Variants in TNFRSF10A observed in about 807,000 individuals in gnomAD.
The protein encoded by TNFRSF10A is tumor necrosis factor receptor superfamily member 10A.
A neutral mutation model predicts 42.8 loss-of-function variants in TNFRSF10A; 44 were observed. That is an observed-to-expected ratio of 1.03 (90% confidence interval 0.81 to 1.32). The LOEUF (loss-of-function observed/expected upper bound fraction) is 1.32. TNFRSF10A is among the 40% of genes most tolerant of loss of function. TNFRSF10A has a pLI of 0.00. For synonymous variants in TNFRSF10A, 259 were observed against 234.2 expected (o/e 1.11, Z -0.97); for missense variants, 680 against 602.0 (o/e 1.13, Z -1.36).
At position 23,190,762 on chromosome 8, in the gene TNFRSF10A, A is replaced by C. The variant is rs1227539708; in HGVS notation, c.*932T>G. 1 of 152,208 alleles carries C rather than the reference A, an allele frequency of 6.6e-6. No homozygotes were observed. Among genetic ancestry groups the C allele is most frequent in the Non-Finnish European group, 1.5e-5 (1 of 68,044 alleles). The allele number at this position is 152,208 out of a possible 1,614,324, so 9.4% of individuals were successfully genotyped here. On this transcript the variant is annotated 3_prime_UTR_variant, in exon 10 of 10. Coordinates refer to ENST00000221132, the MANE Select transcript of TNFRSF10A (RefSeq NM_003844.4). The stretch of plus-strand genomic sequence containing the variant: ...GATAATGGAGGTTGAGAAGTTCCAC[A>C]ACAGGCCATCTGCACAGCAGAGACC...
At chr8:23,204,688 A>T (rs2128848871) in intron 2 of TNFRSF10A, among the ~76,000 whole-genome samples, 1 of 152,318 alleles carries the variant, frequency 6.6e-6, no homozygotes, top group South Asian at 2.1e-4. Context: ...AAAAGGATAG[A>T]GATAATACAA....
intron 8 of TNFRSF10A, among the ~76,000 whole-genome samples, chr8:23,199,030 C>T (rs1800868037): frequency 6.6e-6 from 1 of 152,226 alleles, no homozygotes; most frequent in African/African-American, 2.4e-5. Context: ...GTGACCCCCA[C>T]TCTATTCCTC....
intron 1 of TNFRSF10A, among the ~76,000 whole-genome samples, chr8:23,214,194 AT>A (rs1289534587): frequency 1.3e-5 from 2 of 149,020 alleles, no homozygotes; most frequent in Non-Finnish European, 3.0e-5. Context: ...TTGTTTTAAA[AT>A]GTGTTGTTTA....
At chr8:23,215,426 T>G (rs1801163291) in intron 1 of TNFRSF10A, among the ~76,000 whole-genome samples, 1 of 152,072 alleles carries the variant, frequency 6.6e-6, no homozygotes, top group Non-Finnish European at 1.5e-5. Context: ...GAGAATCACT[T>G]GAACCCAGGA....
At chr8:23,215,210 T>A (rs1801160311) in intron 1 of TNFRSF10A, among the ~76,000 whole-genome samples, 1 of 152,098 alleles carries the variant, frequency 6.6e-6, no homozygotes, top group African/African-American at 2.4e-5. Context: ...ATTAGAAAGT[T>A]AAATTAGAAA....
chr8:23,201,732 G>T, intron 4 of TNFRSF10A, 76 bp downstream of exon 4: 1 of 1,317,858 alleles, frequency 7.6e-7, no homozygotes, highest in Non-Finnish European at 1.1e-6. Context: ...GGTACAAGGA[G>T]ACTCGGGTCT....
chr8:23,199,900 TG>T lies in TNFRSF10A; in HGVS notation c.816del (p.Lys273SerfsTer28). ...AATCAACTCACCCTGTCCATGCACT[TG>T]GGGTCCCCTCCACAACCTAGAAGAG... is the stretch of plus-strand genomic sequence containing the variant. ...CCIGSGCGGDPKCMDRVCFWR... is the reference protein window; with the variant it reads ...CCIGSGCGGDXKCMDRVCFWR... On this transcript the variant is annotated frameshift_variant, in exon 7 of 10. Coordinates refer to ENST00000221132, the MANE Select transcript of TNFRSF10A (RefSeq NM_003844.4). LOFTEE classifies it high-confidence loss of function. The T allele has an allele frequency of 6.2e-7, 1 of 1,613,970 alleles. No individual in the cohort carries two copies. Among genetic ancestry groups the T allele is most frequent in the Non-Finnish European group, 8.5e-7 (1 of 1,179,940 alleles).
chr8:23,200,672 C>T lies in TNFRSF10A; in HGVS notation c.703+15G>A, dbSNP rs754542145. 6.8e-5 allele frequency: 110 copies of T among 1,613,908 alleles called. No homozygotes were observed. The highest frequency in any genetic ancestry group is 8.9e-5 in the East Asian group (4 of 44,888). ...GTCTCCTCTGCAGCTGGGGCTTCCC[C>T]AGTGGGCTTTGTACCTGATTCTTTG... On this transcript the variant is annotated intron_variant, in intron 5 of 9. Coordinates refer to ENST00000221132, the MANE Select transcript of TNFRSF10A (RefSeq NM_003844.4).
At chr8:23,222,879 C>G (rs1801276102) in intron 1 of TNFRSF10A, among the ~76,000 whole-genome samples, 1 of 152,002 alleles carries the variant, frequency 6.6e-6, no homozygotes, top group Non-Finnish European at 1.5e-5. Context: ...TCATCCCCCT[C>G]CTCCTGCCAT....
Position 23,224,863 on chromosome 8 carries a change from G to T in TNFRSF10A, c.199C>A (p.Arg67=). 6.4e-7 allele frequency: 1 copy of T among 1,572,150 alleles called. No homozygotes were observed. Residue 67 remains arginine, a synonymous_variant, in exon 1 of 10, where the codon CGG becomes AGG. Coordinates refer to ENST00000221132, the MANE Select transcript of TNFRSF10A (RefSeq NM_003844.4). ...TSMGQHGPSA[R]ARAGRAPGPR... is the part of the protein sequence containing the mutation. ...CCTGGGGCGCGCCCTGCCCGGGCCC[G>T]GGCACTGGGTCCGTGCTGTCCCATG...
chr8:23,222,384 A>G (rs1309962240), intron 1 of TNFRSF10A, among the ~76,000 whole-genome samples: 2 of 152,236 alleles, frequency 1.3e-5, no homozygotes, highest in Non-Finnish European at 2.9e-5. Flanking sequence ...TGGAATTAGA[A>G]AAAACAAAAG....
intron 1 of TNFRSF10A, among the ~76,000 whole-genome samples, chr8:23,217,520 T>G (rs1173451495): frequency 6.6e-6 from 1 of 151,984 alleles, no homozygotes; most frequent in Non-Finnish European, 1.5e-5. Context: ...CCGGCCTGAA[T>G]TCACTTCTAA....
At chr8:23,201,784 G>A in intron 4 of TNFRSF10A, 24 bp downstream of exon 4, 2 of 1,606,690 alleles carry the variant, frequency 1.2e-6, no homozygotes, top group Non-Finnish European at 1.7e-6. Flanking sequence ...GAGGCTGCTG[G>A]GAGCCCCTTG....
chr8:23,191,775 C>T lies in TNFRSF10A; in HGVS notation c.1326G>A (p.Glu442=). Reference sequence around the variant, plus strand: ...AGTCCACCAAGAGGTCCTGAATCTTCTCTCTTGCATGTCTCTCTTCCATCC... The same window carrying T: ...AGTCCACCAAGAGGTCCTGAATCTTTTCTCTTGCATGTCTCTCTTCCATCC... The part of the protein sequence containing the change: ...LERMEERHAR[E]KIQDLLVDSG... Residue 442 remains glutamate, a synonymous_variant, in exon 10 of 10, where the codon GAG becomes GAA. Coordinates refer to ENST00000221132, the MANE Select transcript of TNFRSF10A (RefSeq NM_003844.4). The T allele has an allele frequency of 1.2e-6, 2 of 1,614,184 alleles. No homozygotes were observed. Among genetic ancestry groups the T allele is most frequent in the Non-Finnish European group, 1.7e-6 (2 of 1,180,036 alleles).
chr8:23,205,707 G>GTT (rs1266155612), intron 2 of TNFRSF10A, among the ~76,000 whole-genome samples: 1 of 102,762 alleles, frequency 9.7e-6, no homozygotes, highest in Admixed American at 1.3e-4. Flanking sequence ...TAATGTCTGT[G>GTT]TTTCTTTTTT....
At position 23,192,113 on chromosome 8, in the gene TNFRSF10A, G is replaced by A. The variant is rs540470033; in HGVS notation, c.1088-100C>T. On this transcript the variant is annotated intron_variant, in intron 9 of 9. Transcript: ENST00000221132. ...GGCCCAGAACCCAAGGAGAGAACCT[G>A]GAGAGCCCCCTGCATGGGCAAACCT... is the stretch of plus-strand genomic sequence containing the variant. 3 of 1,501,060 alleles carry A rather than the reference G, an allele frequency of 2.0e-6. No individual in the cohort carries two copies. In the South Asian group the frequency reaches 3.8e-5, roughly 19 times the overall value. 93.0% of individuals were successfully genotyped at this position (1,501,060 alleles called of 1,614,324 possible).
intron 1 of TNFRSF10A, 183 bp downstream of exon 1, chr8:23,224,573 T>G: frequency 2.7e-6 from 2 of 736,026 alleles, no homozygotes; most frequent in Non-Finnish European, 4.3e-6. Flanking sequence ...CAGGCCCGGG[T>G]CGCTCCTGCC....
At chr8:23,207,423 C>T (rs112594219) in intron 2 of TNFRSF10A, 1 of 492,472 alleles carries the variant, frequency 2.0e-6, no homozygotes. Context: ...ACCAGAAAAA[C>T]AAAGTTGAGG....
At chr8:23,213,479 G>A (rs181983445) in intron 1 of TNFRSF10A, among the ~76,000 whole-genome samples, 2,034 of 77,290 alleles carry the variant, frequency 0.026, 59 homozygotes, top group African/African-American at 0.076. Context: ...ACAGAGTCTC[G>A]CTCTGTTGCC....
Sources: allele counts gnomAD v4.1 joint callset (sites outside exome capture counted in the v4.1 genomes callset), GRCh38; gene constraint gnomAD v4.1.1; transcripts MANE v1.5; gene names NCBI Gene and HGNC (gene_info 2026-07-23, HGNC 2026-07-21).